BOP1: variants seen among roughly 807,000 people sequenced by gnomAD.
The protein encoded by BOP1 is BOP1 ribosomal biogenesis factor.
A neutral mutation model predicts 82.9 loss-of-function variants in BOP1; 54 were observed. The ratio of observed to expected loss-of-function variants is 0.65; its 90% confidence interval spans 0.52 to 0.82. BOP1 has a LOEUF of 0.82. BOP1 is among the 40% of genes least tolerant of loss of function. The pLI is 0.00. For missense variants in BOP1, 1,170 were observed against 1,072.0 expected, an observed-to-expected ratio of 1.09 and a Z score of -1.28; for synonymous variants, 566 against 451.1, an observed-to-expected ratio of 1.25 and a Z score of -3.23.
intron 4 of BOP1, 36 bp downstream of exon 4, chr8:144,264,881 C>T: frequency 6.2e-7 from 1 of 1,608,210 alleles, no homozygotes; most frequent in Non-Finnish European, 8.5e-7. Context: ...CCCTCGGGCC[C>T]ACCCCGGCTG....
intron 3 of BOP1, among the ~76,000 whole-genome samples, chr8:144,275,048 G>T (rs1459244755): frequency 2.0e-5 from 3 of 152,044 alleles, no homozygotes; most frequent in Non-Finnish European, 4.4e-5. Flanking sequence ...ACCGGATCGG[G>T]CGGGCGGCCA....
intron 2 of BOP1, among the ~76,000 whole-genome samples, chr8:144,281,053 CT>C (rs2130252061): frequency 6.7e-6 from 1 of 150,350 alleles, no homozygotes; most frequent in East Asian, 1.9e-4. Flanking sequence ...CTTAGGCCTT[CT>C]CTCACTTTCA....
intron 2 of BOP1, chr8:144,281,720 G>A (rs1845687898): frequency 6.6e-6 from 1 of 152,228 alleles, no homozygotes; most frequent in African/African-American, 2.4e-5. Flanking sequence ...TGGAGGCAGT[G>A]GCATGATCTC....
intron 3 of BOP1, among the ~76,000 whole-genome samples, chr8:144,267,337 C>G (rs1845398006): frequency 6.6e-6 from 1 of 152,012 alleles, no homozygotes; most frequent in Non-Finnish European, 1.5e-5. Flanking sequence ...GGGGCCTTCT[C>G]CTGGGGCTCC....
At chr8:144,262,345 C>T (rs1845215976) in intron 15 of BOP1, 28 bp from the exon 16 acceptor site, 23 of 1,612,660 alleles carry the variant, frequency 1.4e-5, no homozygotes, top group South Asian at 8.8e-5. Context: ...GCTCAGGGCA[C>T]GGCCAGACAC....
intron 3 of BOP1, 149 bp downstream of exon 3, chr8:144,276,075 C>A: frequency 1.2e-6 from 1 of 849,682 alleles, no homozygotes; most frequent in Non-Finnish European, 1.9e-6. Context: ...GGAAGCAGGA[C>A]GCCCACGTGG....
Position 144,270,545 on chromosome 8 carries a change from G to A in BOP1, c.391-5474C>T, listed in dbSNP as rs1030377937. On this transcript the variant is annotated intron_variant, in intron 3 of 15. Transcript: ENST00000569669. The stretch of plus-strand genomic sequence containing the variant: ...GCCCAGCCGCTCCCTGAGCTGCACC[G>A]GTAGCAGCGGCCGAGGGCCCGGCCC... 3.6e-4 allele frequency among the ~76,000 whole-genome samples: 55 copies of A among 152,118 alleles called. 2 individuals carry two copies. The highest frequency in any genetic ancestry group is 2.9e-3 in the Admixed American group (45 of 15,288).
At position 144,282,135 on chromosome 8, in the gene BOP1, C is replaced by T. The variant is rs902942783; in HGVS notation, c.310-5831G>A. On this transcript the variant is annotated intron_variant, in intron 2 of 15. Coordinates refer to ENST00000569669, the MANE Select transcript of BOP1 (RefSeq NM_015201.5). ...CCGGTGAGCCCGCGGCCCGCGCTGC[C>T]GTGTGCTGCTGGAGAGGGGACAGGA... 5.3e-5 allele frequency among the ~76,000 whole-genome samples: 8 copies of T among 152,206 alleles called. No homozygotes were observed. In the South Asian group the frequency reaches 1.0e-3, roughly 20 times the overall value.
chr8:144,263,113 C>T lies in BOP1; in HGVS notation c.1634G>A (p.Arg545His), dbSNP rs781834744. ...KPVTQVTWHG[R>H]GDYLAVVLAT... is the part of the protein sequence containing the mutation. ...CAGCACCACGGCCAGGTAGTCCCCACGCCCGTGCCAGGTCACCTGCGTCAC... is the reference window on the plus strand; with the variant it reads ...CAGCACCACGGCCAGGTAGTCCCCATGCCCGTGCCAGGTCACCTGCGTCAC... Residue 545 changes from arginine (R) to histidine (H), a missense_variant, in exon 13 of 16, where the codon CGT becomes CAT. Coordinates refer to ENST00000569669, the MANE Select transcript of BOP1 (RefSeq NM_015201.5). 5.5e-5 allele frequency: 87 copies of T among 1,593,572 alleles called. No individual in the cohort carries two copies. The highest frequency in any genetic ancestry group is 2.2e-4 in the Middle Eastern group (1 of 4,518).
chr8:144,271,430 C>G (rs765770351), intron 3 of BOP1, among the ~76,000 whole-genome samples: 1 of 152,098 alleles, frequency 6.6e-6, no homozygotes, highest in African/African-American at 2.4e-5. Context: ...CAGCCGCCCT[C>G]GCTCCGTCTC....
intron 3 of BOP1, among the ~76,000 whole-genome samples, chr8:144,271,956 C>A (rs1845499238): frequency 6.6e-6 from 1 of 151,992 alleles, no homozygotes; most frequent in South Asian, 2.1e-4. Context: ...CAGCAAGTCA[C>A]CTCCTGGGGG....
In BOP1 at chr8:144,263,749, G is replaced by A; in HGVS notation, c.1234C>T (p.His412Tyr). The stretch of plus-strand genomic sequence containing the variant: ...CTGAGGCACCGGACAAGGTCACTGT[G>A]GCCCCTGTAGACCTGAGGAGGCGGC... ...PTCQALVYRG[H>Y]SDLVRCLSVS... Residue 412 changes from histidine to tyrosine, a missense_variant, in exon 10 of 16, where the codon CAC becomes TAC. Transcript: ENST00000569669. The A allele has an allele frequency of 1.3e-6, 2 of 1,581,686 alleles. No homozygotes were observed. Among genetic ancestry groups the A allele is most frequent in the Non-Finnish European group, 1.7e-6 (2 of 1,165,744 alleles).
chr8:144,270,409 G>A (rs986792393), intron 3 of BOP1, among the ~76,000 whole-genome samples: 10 of 152,146 alleles, frequency 6.6e-5, no homozygotes, highest in African/African-American at 2.4e-4. Flanking sequence ...GGAGCTGAAA[G>A]GATCCCCAGG....
chr8:144,267,764 G>T (rs1011394692), intron 3 of BOP1, among the ~76,000 whole-genome samples: 2 of 152,320 alleles, frequency 1.3e-5, no homozygotes, highest in East Asian at 1.9e-4. Flanking sequence ...TGCAGGAGAC[G>T]CTGGCCAGCT....
intron 3 of BOP1, chr8:144,268,160 C>T: frequency 6.4e-7 from 1 of 1,550,472 alleles, no homozygotes; most frequent in South Asian, 1.2e-5. Context: ...CCGGCAGCAG[C>T]CAGGAGGCAG....
At chr8:144,268,329 C>A in intron 3 of BOP1, 1 of 796,016 alleles carries the variant, frequency 1.3e-6, no homozygotes, top group Non-Finnish European at 2.0e-6. Context: ...GGCAGCGGGA[C>A]TCTGCGCTGG....
chr8:144,287,030 G>A (rs1814898533), intron 2 of BOP1, among the ~76,000 whole-genome samples: 2 of 152,252 alleles, frequency 1.3e-5, no homozygotes, highest in Non-Finnish European at 1.5e-5. Flanking sequence ...TGGTTTTTGA[G>A]GCAGAGCCTC....
At chr8:144,282,724 C>T (rs1279524464) in intron 2 of BOP1, among the ~76,000 whole-genome samples, 1 of 152,066 alleles carries the variant, frequency 6.6e-6, no homozygotes, top group Non-Finnish European at 1.5e-5. Context: ...ATCCTCTGAC[C>T]ACCCCCCAGA....
At chr8:144,273,370 A>ACCCCAG (rs199719892) in intron 3 of BOP1, among the ~76,000 whole-genome samples, 13 of 81,088 alleles carry the variant, frequency 1.6e-4, no homozygotes, top group African/African-American at 6.0e-4. Context: ...GCCAGGCTGC[A>ACCCCAG]CCCCAGCCCC....
Sources: gnomAD v4.1 joint callset for allele counts (sites outside exome capture counted in the v4.1 genomes callset) on GRCh38, gnomAD v4.1.1 for gene constraint, MANE v1.5 for transcripts, NCBI Gene and HGNC (gene_info 2026-07-23, HGNC 2026-07-21) for gene names.